Variants in GPR78 observed in about 807,000 individuals in gnomAD.
GPR78 encodes the protein G protein-coupled receptor 78.
A neutral mutation model predicts 17.9 loss-of-function variants in GPR78; 29 were observed. The ratio of observed to expected loss-of-function variants is 1.62; its 90% CI spans 1.20 to 2.21. The LOEUF (loss-of-function observed/expected upper bound fraction) is 2.21, where lower values mean the gene tolerates loss of function less well. Ranked by LOEUF, GPR78 falls within the 30% of genes most tolerant of loss-of-function variation. The probability of loss-of-function intolerance (pLI) is 0.00; values close to 1 mark genes in which losing one functional copy is unlikely to be tolerated. For synonymous variants in GPR78, 349 were observed against 256.9 expected, an observed-to-expected ratio of 1.36 and a Z score of -3.43; for missense variants, 649 against 530.5, an observed-to-expected ratio of 1.22 and a Z score of -2.19.
At chr4:8,585,268 G>T (rs1320747871) in intron 2 of GPR78, among the ~76,000 whole-genome samples, 1 of 152,178 alleles carries the variant, frequency 6.6e-6, no homozygotes, top group Non-Finnish European at 1.5e-5. Context: ...GGTCATGGCT[G>T]GTAGTTGATA....
intron 2 of GPR78, among the ~76,000 whole-genome samples, chr4:8,584,038 A>C (rs1350418469): frequency 1.3e-5 from 2 of 152,208 alleles, no homozygotes; most frequent in African/African-American, 2.4e-5. Context: ...ATGTGTGCCC[A>C]TGTGCCTGCG....
Position 8,587,103 on chromosome 4 carries a change from C to A in GPR78, c.832C>A (p.Leu278Ile), listed in dbSNP as rs372501836. ...FVTVNAQWGI[L>I]SKCLTYSKAV... Reference sequence around the variant, plus strand: ...CACCGTGAACGCCCAGTGGGGCATCCTCAGCAAGTGCCTGACCTACAGCAA... The same window carrying A: ...CACCGTGAACGCCCAGTGGGGCATCATCAGCAAGTGCCTGACCTACAGCAA... The change falls in exon 3 of 3, where the codon CTC becomes ATC. Residue 278 changes from leucine to isoleucine, a missense_variant. Transcript: ENST00000382487. 1.9e-6 allele frequency: 3 copies of A among 1,613,308 alleles called. No individual in the cohort carries two copies. Among genetic ancestry groups the A allele is most frequent in the Non-Finnish European group, 2.5e-6 (3 of 1,179,978 alleles).
At chr4:8,586,092 G>T (rs901676144) in intron 2 of GPR78, among the ~76,000 whole-genome samples, 1 of 152,204 alleles carries the variant, frequency 6.6e-6, no homozygotes, top group African/African-American at 2.4e-5. Context: ...AAGTGTGCTT[G>T]TGACAGCTGT....
chr4:8,582,671 T>G lies in GPR78; in HGVS notation c.782+27T>G, dbSNP rs1265991487. 2.7e-6 allele frequency: 4 copies of G among 1,465,472 alleles called. No homozygotes were observed. The East Asian group carries it at 6.8e-5, about 25-fold the overall frequency. The allele number at this position is 1,465,472 out of a possible 1,614,324, so 90.8% of individuals were successfully genotyped here. A position where few individuals can be genotyped will look rare whatever the true frequency, so the allele number is the denominator to read the frequency against. On this transcript the variant is annotated intron_variant, in intron 2 of 2. Coordinates refer to ENST00000382487, the MANE Select transcript of GPR78 (RefSeq NM_080819.5). ...TGGGTCCTGGCAGTCCGGCTCCTGT[T>G]GTGGGAACAGCTGGGTGGGCTTGGC...
In GPR78 at chr4:8,581,665, C is replaced by A. The variant is rs777587775; in HGVS notation, c.668+15C>A. On this transcript the variant is annotated intron_variant, in intron 1 of 2. Coordinates refer to ENST00000382487, the MANE Select transcript of GPR78 (RefSeq NM_080819.5). The stretch of plus-strand genomic sequence containing the variant: ...CTGCACCCCAGGTATTGGCCCAGTG[C>A]ATGCCGACAGGCCCAGGCCAGGGAC... The A allele has an allele frequency of 2.8e-6, 4 of 1,439,456 alleles. No homozygotes were observed. Among genetic ancestry groups the A allele is most frequent in the Non-Finnish European group, 3.6e-6 (4 of 1,100,396 alleles). 89.2% of individuals were successfully genotyped at this position (1,439,456 alleles called of 1,614,324 possible).
In GPR78 at chr4:8,588,951, C is replaced by T. The variant is rs1381102445; in HGVS notation, c.*1588C>T. On this transcript the variant is annotated 3_prime_UTR_variant, in exon 3 of 3. Transcript: ENST00000382487. ...GTGCAATCTCAGCTCACTGCAGCCTCCACCTCCCATGCTCAAGCCATCCTC... is the reference window on the plus strand; with the variant it reads ...GTGCAATCTCAGCTCACTGCAGCCTTCACCTCCCATGCTCAAGCCATCCTC... 3.3e-5 allele frequency among the ~76,000 whole-genome samples: 5 copies of T among 152,198 alleles called. No individual in the cohort carries two copies. Among genetic ancestry groups the T allele is most frequent in the African/African-American group, 7.2e-5 (3 of 41,464 alleles).
rs764756247 is a variant in GPR78 at position 8,581,120 on chromosome 4, G to C, written c.138G>C (p.Val46=). 4 of 1,606,312 alleles carry C rather than the reference G, an allele frequency of 2.5e-6. No individual in the cohort carries two copies. The East Asian group carries it at 6.7e-5, about 27-fold the overall frequency. ...CTCGAGCCTCAGGCGTCCTCCTGGT[G>C]AATCTGTCTCTGGGCCACCTGCTGC... The part of the protein sequence containing the change: ...LRTRASGVLL[V]NLSLGHLLLA... The change falls in exon 1 of 3, where the codon GTG becomes GTC. Residue 46 remains valine, a synonymous_variant. Coordinates refer to ENST00000382487, the MANE Select transcript of GPR78 (RefSeq NM_080819.5).
chr4:8,583,337 A>G (rs1166941453), intron 2 of GPR78, among the ~76,000 whole-genome samples: 1 of 151,650 alleles, frequency 6.6e-6, no homozygotes, highest in African/African-American at 2.4e-5. Flanking sequence ...CAGGTTGTTT[A>G]TTAGAGATGG....
Position 8,584,021 on chromosome 4 carries a change from T to G in GPR78, c.782+1377T>G, listed in dbSNP as rs1056709598. 3.3e-5 allele frequency among the ~76,000 whole-genome samples: 5 copies of G among 152,324 alleles called. No homozygotes were observed. In the East Asian group the frequency reaches 5.8e-4, roughly 18 times the overall value. The stretch of plus-strand genomic sequence containing the variant: ...CAGCTATTTATCTGATTATCATGTT[T>G]GTGTGTATGTGTGCCCATGTGCCTG... On this transcript the variant is annotated intron_variant, in intron 2 of 2. Coordinates refer to ENST00000382487, the MANE Select transcript of GPR78 (RefSeq NM_080819.5).
Position 8,581,278 on chromosome 4 carries a change from CGCTGA to C in GPR78, c.299_303del (p.Leu100ArgfsTer64). On this transcript the variant is annotated frameshift_variant, in exon 1 of 3. Transcript: ENST00000382487. LOFTEE classifies it high-confidence loss of function. The stretch of plus-strand genomic sequence containing the variant: ...TCCAACGCGGCGCTGAGCGTGGCGG[CGCTGA>C]GCGCAGACCAGTGGCTGGCAGTGGG... The C allele has an allele frequency of 6.3e-7, 1 of 1,588,590 alleles. No individual in the cohort carries two copies.
Position 8,587,490 on chromosome 4 carries a change from A to AC in GPR78, c.*128dup, listed in dbSNP as rs924114107. The AC allele has an allele frequency of 1.8e-5, 17 of 920,038 alleles. No individual in the cohort carries two copies. Among genetic ancestry groups the AC allele is most frequent in the Admixed American group, 5.3e-5 (2 of 37,768 alleles). The allele number at this position is 920,038 out of a possible 1,614,324, so 57.0% of individuals were successfully genotyped here. Reference sequence around the variant, plus strand: ...CTTGACTTTGAGCTAAGGCTGAAGTACAGGAGGAGGAGGAGGAGAGGGCCG... The same window carrying AC: ...CTTGACTTTGAGCTAAGGCTGAAGTACCAGGAGGAGGAGGAGGAGAGGGCCG... On this transcript the variant is annotated 3_prime_UTR_variant, in exon 3 of 3. Transcript: ENST00000382487.
intron 1 of GPR78, among the ~76,000 whole-genome samples, chr4:8,582,170 A>T (rs1713320609): frequency 6.6e-6 from 1 of 151,934 alleles, no homozygotes; most frequent in South Asian, 2.1e-4. Flanking sequence ...CCCCCACAGA[A>T]CACCCAAGAG....
At chr4:8,585,787 G>C (rs867032406) in intron 2 of GPR78, among the ~76,000 whole-genome samples, 35 of 151,940 alleles carry the variant, frequency 2.3e-4, no homozygotes, top group Middle Eastern at 3.4e-3. Flanking sequence ...CTGCCTGCCT[G>C]CCTGCCAGCC....
intron 2 of GPR78, among the ~76,000 whole-genome samples, chr4:8,583,586 TTGTGTAGGG>T (rs1302884554): frequency 6.6e-6 from 1 of 151,570 alleles, no homozygotes; most frequent in Non-Finnish European, 1.5e-5. Flanking sequence ...CTGGCTCTGT[TTGTGTAGGG>T]TCCTCCTGAG....
At chr4:8,585,609 G>A (rs924889619) in intron 2 of GPR78, among the ~76,000 whole-genome samples, 1 of 152,162 alleles carries the variant, frequency 6.6e-6, no homozygotes, top group African/African-American at 2.4e-5. Flanking sequence ...ATCACTTACT[G>A]TAACTGGATC....
Position 8,581,659 on chromosome 4 carries a change from C to T in GPR78, c.668+9C>T. ...GCCGACCTGCACCCCAGGTATTGGC[C>T]CAGTGCATGCCGACAGGCCCAGGCC... On this transcript the variant is annotated intron_variant, in intron 1 of 2. Transcript: ENST00000382487. 2.1e-6 allele frequency: 3 copies of T among 1,445,774 alleles called. No individual in the cohort carries two copies. The highest frequency in any genetic ancestry group is 2.7e-6 in the Non-Finnish European group (3 of 1,103,700). The allele number at this position is 1,445,774 out of a possible 1,614,324, so 89.6% of individuals were successfully genotyped here. A position where few individuals can be genotyped will look rare whatever the true frequency, so the allele number is the denominator to read the frequency against.
At position 8,587,298 on chromosome 4, in the gene GPR78, C is replaced by A; in HGVS notation, c.1027C>A (p.Pro343Thr). 1 of 1,612,560 alleles carries A rather than the reference C, an allele frequency of 6.2e-7. No homozygotes were observed. The highest frequency in any genetic ancestry group is 8.5e-7 in the Non-Finnish European group (1 of 1,179,554). The change falls in exon 3 of 3, where the codon CCA becomes ACA. Residue 343 changes from proline (P) to threonine (T), a missense_variant. By Grantham distance (38) the Pro-to-Thr change is conservative (BLOSUM62 -1). Transcript: ENST00000382487. ...VHQLLKRTPRPASTHNGSVDT... is the reference protein window; with the variant it reads ...VHQLLKRTPRTASTHNGSVDT... Reference sequence around the variant, plus strand: ...CCAGCTGCTGAAGAGAACCCCGCGCCCAGCGTCCACCCACAACGGCTCTGT... The same window carrying A: ...CCAGCTGCTGAAGAGAACCCCGCGCACAGCGTCCACCCACAACGGCTCTGT...
intron 2 of GPR78, among the ~76,000 whole-genome samples, chr4:8,583,713 C>G (rs1024131178): frequency 1.3e-5 from 2 of 151,850 alleles, no homozygotes; most frequent in Non-Finnish European, 2.9e-5. Flanking sequence ...GGGGGGGAAA[C>G]AGTTGTGTCC....
At position 8,588,691 on chromosome 4, in the gene GPR78, A is replaced by C. The variant is rs1313349050; in HGVS notation, c.*1328A>C. Among the ~76,000 whole-genome samples the C allele has an allele frequency of 6.6e-6, 1 of 152,102 alleles. No individual in the cohort carries two copies. Among genetic ancestry groups the C allele is most frequent in the Non-Finnish European group, 1.5e-5 (1 of 68,020 alleles). ...GCAGGCATGGAGCCTGTATCATGAC[A>C]CCTTACACCCAAGGCCAGCAATGCA... is the stretch of plus-strand genomic sequence containing the variant. On this transcript the variant is annotated 3_prime_UTR_variant, in exon 3 of 3. Transcript: ENST00000382487.
Sources: gnomAD v4.1 joint callset for allele counts (sites outside exome capture counted in the v4.1 genomes callset) on GRCh38, gnomAD v4.1.1 for gene constraint, MANE v1.5 for transcripts, NCBI Gene and HGNC (gene_info 2026-07-23, HGNC 2026-07-21) for gene names.